The following CHML variants were observed in gnomAD, a reference collection of about 807,000 sequenced individuals.
The protein encoded by CHML is CHM like Rab escort protein, also known as rab proteins geranylgeranyltransferase component A 2.
Under a neutral mutation model 30.4 loss-of-function variants are expected in CHML, and 20 were observed. The observed-to-expected ratio is 0.66, with a 90% CI of 0.46 to 0.95. CHML has a LOEUF of 0.95. Ranked by LOEUF, CHML falls within the 40% of genes least tolerant of loss-of-function variation. The pLI, the probability that CHML is intolerant of heterozygous loss-of-function variation, is 0.00. For missense variants in CHML, 795 were observed against 768.5 expected, an observed-to-expected ratio of 1.03 and a Z score of -0.41; for synonymous variants, 281 against 275.0, an observed-to-expected ratio of 1.02 and a Z score of -0.22.
At chr1:241,639,175 T>G (rs1268542846) in intron 1 of CHML, 1 of 152,240 alleles carries the variant, frequency 6.6e-6, no homozygotes, top group Non-Finnish European at 1.5e-5. Flanking sequence ...ATTACAGTAT[T>G]TGTTCACCTG....
At chr1:241,637,726 T>C (rs755704921) in intron 1 of CHML, among the ~76,000 whole-genome samples, 2 of 151,990 alleles carry the variant, frequency 1.3e-5, no homozygotes, top group East Asian at 1.9e-4. Context: ...TACCCAATAA[T>C]AGAGATGAGA....
In CHML at chr1:241,633,548, C is replaced by T; in HGVS notation, c.*248G>A. The T allele has an allele frequency of 4.1e-6, 2 of 485,692 alleles. No individual in the cohort carries two copies. The highest frequency in any genetic ancestry group is 7.2e-6 in the Non-Finnish European group (2 of 276,270). 30.1% of individuals were successfully genotyped at this position (485,692 alleles called of 1,614,324 possible). A position where few individuals can be genotyped will look rare whatever the true frequency, so the allele number is the denominator to read the frequency against. The stretch of plus-strand genomic sequence containing the variant: ...ATATATACCCAATACTAAAATAAAG[C>T]TAACTCTGTTTTAAGATTCTGGGTC... On this transcript the variant is annotated 3_prime_UTR_variant, in exon 2 of 2. Coordinates refer to ENST00000366553, the MANE Select transcript of CHML (RefSeq NM_001381853.1).
rs369752777 is a variant in CHML at position 241,636,969 on chromosome 1, T to A, written c.-307-896A>T. On this transcript the variant is annotated intron_variant, in intron 1 of 1. Coordinates refer to ENST00000366553, the MANE Select transcript of CHML (RefSeq NM_001381853.1). Reference sequence around the variant, plus strand: ...AAGGGGAAGTTTAAAAAAAAAAAAATAATAAGGTTCTCCTGTTAACTTTGA... The same window carrying A: ...AAGGGGAAGTTTAAAAAAAAAAAAAAAATAAGGTTCTCCTGTTAACTTTGA... 1.0e-3 allele frequency among the ~76,000 whole-genome samples: 138 copies of A among 136,048 alleles called. 2 individuals carry two copies. The South Asian group carries it at 0.014, about 14-fold the overall frequency. The allele number at this position is 136,048 out of a possible 152,430, so 89.3% of individuals were successfully genotyped here. A position where few individuals can be genotyped will look rare whatever the true frequency, so the allele number is the denominator to read the frequency against.
In CHML at chr1:241,632,740, T is replaced by C. The variant is rs1217425470; in HGVS notation, c.*1056A>G. The C allele has an allele frequency of 6.6e-6, 1 of 152,136 alleles. No homozygotes were observed. The highest frequency in any genetic ancestry group is 1.9e-4 in the East Asian group (1 of 5,198). The allele number at this position is 152,136 out of a possible 1,614,324, so 9.4% of individuals were successfully genotyped here. A position where few individuals can be genotyped will look rare whatever the true frequency, so the allele number is the denominator to read the frequency against. On this transcript the variant is annotated 3_prime_UTR_variant, in exon 2 of 2. Transcript: ENST00000366553. ...TCCTTTGATTCATTCCTATCAGTTA[T>C]GTTATAGTGATATTAATTAAAGTGG...
At position 241,633,997 on chromosome 1, in the gene CHML, G is replaced by T. The variant is rs1353582783; in HGVS notation, c.1770C>A (p.Val590=). The T allele has an allele frequency of 1.2e-6, 2 of 1,613,888 alleles. No individual in the cohort carries two copies. ...CCTGGAAAAGTGTTTCAGCTTGCTT[G>T]ACAGCATGCTCATTTCCCAGGCCAC... is the stretch of plus-strand genomic sequence containing the variant. ...PDCGLGNEHA[V]KQAETLFQEI... The change falls in exon 2 of 2, where the codon GTC becomes GTA. Residue 590 remains valine (V), a synonymous_variant. Coordinates refer to ENST00000366553, the MANE Select transcript of CHML (RefSeq NM_001381853.1).
chr1:241,637,583 G>T (rs1436601478), intron 1 of CHML, among the ~76,000 whole-genome samples: 2 of 152,182 alleles, frequency 1.3e-5, no homozygotes, highest in Non-Finnish European at 2.9e-5. Context: ...GAAAGACAGG[G>T]CTCAGGGTAG....
At chr1:241,639,623 G>T (rs1665033633) in intron 1 of CHML, among the ~76,000 whole-genome samples, 1 of 151,788 alleles carries the variant, frequency 6.6e-6, no homozygotes, top group African/African-American at 2.4e-5. Context: ...AACGTGGGGG[G>T]CAGATGAGAG....
In CHML at chr1:241,630,048, T is replaced by C. The variant is rs1432043649; in HGVS notation, c.*3748A>G. ...AACTGTAGTAAATTTCATACTAATGTCACATATTGGCATTTCTTTGGATGT... is the reference window on the plus strand; with the variant it reads ...AACTGTAGTAAATTTCATACTAATGCCACATATTGGCATTTCTTTGGATGT... On this transcript the variant is annotated 3_prime_UTR_variant, in exon 2 of 2. Coordinates refer to ENST00000366553, the MANE Select transcript of CHML (RefSeq NM_001381853.1). 2.6e-5 allele frequency: 4 copies of C among 152,106 alleles called. No individual in the cohort carries two copies. In the East Asian group the frequency reaches 5.8e-4, roughly 22 times the overall value. 9.4% of individuals were successfully genotyped at this position (152,106 alleles called of 1,614,324 possible).
rs1664523771 is a variant in CHML, at chr1:241,629,284, C to T, written c.*4512G>A. 1 of 152,034 alleles carries T rather than the reference C, an allele frequency of 6.6e-6. No homozygotes were observed. Among genetic ancestry groups the T allele is most frequent in the African/African-American group, 2.4e-5 (1 of 41,406 alleles). The allele number at this position is 152,034 out of a possible 1,614,324, so 9.4% of individuals were successfully genotyped here. A position where few individuals can be genotyped will look rare whatever the true frequency, so the allele number is the denominator to read the frequency against. On this transcript the variant is annotated 3_prime_UTR_variant, in exon 2 of 2. Coordinates refer to ENST00000366553, the MANE Select transcript of CHML (RefSeq NM_001381853.1). ...TATGTCAAAAGATCAGTTATAAAGC[C>T]CTTTTTATAGTCTTCTACACAGTTC...
rs1664700910 is a variant in CHML at position 241,632,889 on chromosome 1, T to G, written c.*907A>C. ...GCCTCACTCTGTTTCTCCTTAGGAA[T>G]TCCTAAGAATTCCTCCTTAGGAATT... On this transcript the variant is annotated 3_prime_UTR_variant, in exon 2 of 2. Coordinates refer to ENST00000366553, the MANE Select transcript of CHML (RefSeq NM_001381853.1). 1 of 152,122 alleles carries G rather than the reference T, an allele frequency of 6.6e-6. No individual in the cohort carries two copies. 9.4% of individuals were successfully genotyped at this position (152,122 alleles called of 1,614,324 possible). A position where few individuals can be genotyped will look rare whatever the true frequency, so the allele number is the denominator to read the frequency against.
chr1:241,636,432 T>C (rs958831989), intron 1 of CHML, among the ~76,000 whole-genome samples: 2 of 152,226 alleles, frequency 1.3e-5, no homozygotes, highest in African/African-American at 2.4e-5. Flanking sequence ...GGCTCCACTG[T>C]TTATAGAAAC....
chr1:241,633,738 T>G lies in CHML; in HGVS notation c.*58A>C, dbSNP rs1453386146. 1.1e-5 allele frequency: 17 copies of G among 1,578,528 alleles called. No homozygotes were observed. Among genetic ancestry groups the G allele is most frequent in the Non-Finnish European group, 1.4e-5 (16 of 1,158,510 alleles). ...CTCATATGGGAAACTGTCCTTTAAATGAGAAAATTCTGATGCCATGAAGGA... is the reference window on the plus strand; with the variant it reads ...CTCATATGGGAAACTGTCCTTTAAAGGAGAAAATTCTGATGCCATGAAGGA... On this transcript the variant is annotated 3_prime_UTR_variant, in exon 2 of 2. Coordinates refer to ENST00000366553, the MANE Select transcript of CHML (RefSeq NM_001381853.1).
Position 241,635,728 on chromosome 1 carries a change from T to C in CHML, c.39A>G (p.Ile13Met). Residue 13 changes from isoleucine to methionine, a missense_variant, in exon 2 of 2, where the codon ATA (isoleucine) becomes ATG (methionine). By Grantham distance (10) the Ile-to-Met change is conservative. Coordinates refer to ENST00000366553, the MANE Select transcript of CHML (RefSeq NM_001381853.1). ...DNLPTEFDVV[I>M]IGTGLPESIL... The stretch of plus-strand genomic sequence containing the variant: ...TGGATTCGGGCAAACCTGTCCCTAT[T>C]ATAACCACATCAAACTCTGTGGGAA... 6.2e-7 allele frequency: 1 copy of C among 1,613,698 alleles called. No homozygotes were observed. The highest frequency in any genetic ancestry group is 8.5e-7 in the Non-Finnish European group (1 of 1,179,734).
In CHML at chr1:241,635,319, T is replaced by C; in HGVS notation, c.448A>G (p.Ser150Gly). 2 of 1,614,036 alleles carry C rather than the reference T, an allele frequency of 1.2e-6. No homozygotes were observed. The change falls in exon 2 of 2, where the codon AGC (serine) becomes GGC (glycine). Residue 150 changes from serine to glycine, a missense_variant. Physicochemically the swap from Ser to Gly is moderately conservative, Grantham distance 56. Transcript: ENST00000366553. ...PEESQLSYFN[S>G]DEMPAKHTQK... ...GTGTGTTTTGCAGGCATTTCGTCGCTATTAAAATACGATAACTGGCTTTCT... is the reference window on the plus strand; with the variant it reads ...GTGTGTTTTGCAGGCATTTCGTCGCCATTAAAATACGATAACTGGCTTTCT...
rs879107770 is a variant in CHML, at chr1:241,635,723, C to T, written c.44G>A (p.Gly15Glu). The change falls in exon 2 of 2, where the codon GGG becomes GAG. Residue 15 changes from glycine (G) to glutamate (E), a missense_variant. Gly to Glu is a moderately conservative substitution (Grantham distance 98). Transcript: ENST00000366553. ...AAGGATGGATTCGGGCAAACCTGTC[C>T]CTATTATAACCACATCAAACTCTGT... ...LPTEFDVVII[G>E]TGLPESILAA... 4.3e-6 allele frequency: 7 copies of T among 1,613,622 alleles called. No homozygotes were observed. The South Asian group carries it at 6.6e-5, about 15-fold the overall frequency.
chr1:241,633,686 T>A lies in CHML; in HGVS notation c.*110A>T. 2 of 1,104,078 alleles carry A rather than the reference T, an allele frequency of 1.8e-6. No homozygotes were observed. Among genetic ancestry groups the A allele is most frequent in the Non-Finnish European group, 2.6e-6 (2 of 759,870 alleles). 68.4% of individuals were successfully genotyped at this position (1,104,078 alleles called of 1,614,324 possible). A position where few individuals can be genotyped will look rare whatever the true frequency, so the allele number is the denominator to read the frequency against. On this transcript the variant is annotated 3_prime_UTR_variant, in exon 2 of 2. Transcript: ENST00000366553. ...AGTTAAAGACAACATCTGCATAGCA[T>A]TCATCATATATAACCACTTCTAATT... is the stretch of plus-strand genomic sequence containing the variant.
chr1:241,633,983 G>A lies in CHML; in HGVS notation c.1784C>T (p.Thr595Ile). The change falls in exon 2 of 2, where the codon ACA (threonine) becomes ATA (isoleucine). Residue 595 changes from threonine (T) to isoleucine (I), a missense_variant. Coordinates refer to ENST00000366553, the MANE Select transcript of CHML (RefSeq NM_001381853.1). ...GNEHAVKQAE[T>I]LFQEIFPTEE... Reference sequence around the variant, plus strand: ...AGTTGGAAAGATCTCCTGGAAAAGTGTTTCAGCTTGCTTGACAGCATGCTC... The same window carrying A: ...AGTTGGAAAGATCTCCTGGAAAAGTATTTCAGCTTGCTTGACAGCATGCTC... 1.9e-6 allele frequency: 3 copies of A among 1,613,958 alleles called. No homozygotes were observed. In the South Asian group the frequency reaches 3.3e-5, roughly 18 times the overall value.
intron 1 of CHML, among the ~76,000 whole-genome samples, chr1:241,638,574 CAATT>C (rs1174462919): frequency 1.1e-4 from 16 of 152,234 alleles, no homozygotes; most frequent in South Asian, 1.0e-3. Context: ...AGGTATTTTA[CAATT>C]AATATAAGGA....
In CHML at chr1:241,633,645, A is replaced by G; in HGVS notation, c.*151T>C. 5 of 793,086 alleles carry G rather than the reference A, an allele frequency of 6.3e-6. No individual in the cohort carries two copies. The highest frequency in any genetic ancestry group is 1.7e-5 in the African/African-American group (1 of 57,568). 49.1% of individuals were successfully genotyped at this position (793,086 alleles called of 1,614,324 possible). The stretch of plus-strand genomic sequence containing the variant: ...ATTGATAGGTTAACAAAGATATTCA[A>G]TGCTGAATGTCTGAGAGTTAAAGAC... On this transcript the variant is annotated 3_prime_UTR_variant, in exon 2 of 2. Coordinates refer to ENST00000366553, the MANE Select transcript of CHML (RefSeq NM_001381853.1).
Sources: allele counts gnomAD v4.1 joint callset (sites outside exome capture counted in the v4.1 genomes callset), GRCh38; gene constraint gnomAD v4.1.1; transcripts MANE v1.5; gene names NCBI Gene and HGNC (gene_info 2026-07-23, HGNC 2026-07-21).